Variants in GIPC1 observed in about 807,000 individuals in gnomAD.
GIPC1 encodes PDZ domain-containing protein GIPC1.
GIPC1 carries 15 observed loss-of-function variants against 28.5 expected under a neutral mutation model. The observed-to-expected ratio is 0.53, with a 90% CI of 0.35 to 0.81. The LOEUF (loss-of-function observed/expected upper bound fraction) is 0.81. Ranked by LOEUF, GIPC1 falls within the 30% of genes least tolerant of loss-of-function variation. GIPC1 has a pLI of 0.01. For missense variants in GIPC1, 439 were observed against 481.9 expected, an observed-to-expected ratio of 0.91 and a Z score of 0.83; for synonymous variants, 224 against 206.1, an observed-to-expected ratio of 1.09 and a Z score of -0.74.
At chr19:14,479,977 T>C (rs902643138) in intron 6 of GIPC1, 3 of 477,922 alleles carry the variant, frequency 6.3e-6, no homozygotes, top group South Asian at 2.6e-5. Flanking sequence ...TGAAGCCAGA[T>C]GGAAAAGTGG....
intron 2 of GIPC1, among the ~76,000 whole-genome samples, 153 bp from the exon 3 acceptor site, chr19:14,491,896 C>A (rs1037792078): frequency 2.0e-5 from 3 of 152,114 alleles, no homozygotes; most frequent in Non-Finnish European, 4.4e-5. Context: ...TGAGCCACCA[C>A]GCCCAGCCAT....
In GIPC1 at chr19:14,489,330, C is replaced by A. The variant is rs1050235429; in HGVS notation, c.-31+2326G>T. 18 of 773,574 alleles carry A rather than the reference C, an allele frequency of 2.3e-5. No homozygotes were observed. In the Admixed American group the frequency reaches 2.4e-4, roughly 10 times the overall value. 47.9% of individuals were successfully genotyped at this position (773,574 alleles called of 1,614,324 possible). A position where few individuals can be genotyped will look rare whatever the true frequency, so the allele number is the denominator to read the frequency against. On this transcript the variant is annotated intron_variant, in intron 3 of 8. Transcript: ENST00000393033. The stretch of plus-strand genomic sequence containing the variant: ...CAAGATGCTGGGCCTACCGCGGTAG[C>A]GTGAGGGAAGCCGTGCGTTCTGTTC...
In GIPC1 at chr19:14,478,897, C is replaced by T. The variant is rs932557820; in HGVS notation, c.769-132G>A. 9.4e-6 allele frequency: 7 copies of T among 742,914 alleles called. No homozygotes were observed. Among genetic ancestry groups the T allele is most frequent in the East Asian group, 2.5e-5 (1 of 39,692 alleles). The allele number at this position is 742,914 out of a possible 1,614,324, so 46.0% of individuals were successfully genotyped here. A position where few individuals can be genotyped will look rare whatever the true frequency, so the allele number is the denominator to read the frequency against. On this transcript the variant is annotated intron_variant, in intron 7 of 8. Coordinates refer to ENST00000393033, the MANE Select transcript of GIPC1 (RefSeq NM_005716.4). This position sits in a 1 kb window ranked among gnomAD's most constrained non-coding sequence, Gnocchi z 5.2. ...CAGGACAACCCTGAGAAGGTGGTATCGGTGTTCAGCTCATCCCCATTTTAC... is the reference window on the plus strand; with the variant it reads ...CAGGACAACCCTGAGAAGGTGGTATTGGTGTTCAGCTCATCCCCATTTTAC...
intron 3 of GIPC1, among the ~76,000 whole-genome samples, chr19:14,485,985 T>C (rs373346604): frequency 6.6e-6 from 1 of 151,978 alleles, no homozygotes; most frequent in African/African-American, 2.4e-5. Context: ...TTAGCAAGGA[T>C]GGTCTCGATC....
intron 3 of GIPC1, among the ~76,000 whole-genome samples, chr19:14,484,049 G>A (rs1427997526): frequency 1.3e-5 from 2 of 151,580 alleles, no homozygotes; most frequent in Non-Finnish European, 2.9e-5. Flanking sequence ...CCCCTAGGCT[G>A]GATTGCAACG....
intron 1 of GIPC1, among the ~76,000 whole-genome samples, chr19:14,493,396 C>T (rs2072010636): frequency 6.6e-6 from 1 of 152,198 alleles, no homozygotes; most frequent in Non-Finnish European, 1.5e-5. Flanking sequence ...GGTTCATCTT[C>T]TGCTCCAACC....
At position 14,478,707 on chromosome 19, in the gene GIPC1, A is replaced by T; in HGVS notation, c.827T>A (p.Met276Lys). The T allele has an allele frequency of 1.2e-6, 2 of 1,613,514 alleles. No individual in the cohort carries two copies. Among genetic ancestry groups the T allele is most frequent in the Non-Finnish European group, 1.7e-6 (2 of 1,179,766 alleles). ...ACCCAGCTCCGTGTCCCTGATACCCATGTAACTCTCCAGCAGGTCATCCAC... is the reference window on the plus strand; with the variant it reads ...ACCCAGCTCCGTGTCCCTGATACCCTTGTAACTCTCCAGCAGGTCATCCAC... ...EKVDDLLESYMGIRDTELAAT... is the reference protein window; with the variant it reads ...EKVDDLLESYKGIRDTELAAT... Residue 276 changes from methionine (M) to lysine (K), a missense_variant, in exon 8 of 9, where the codon ATG becomes AAG. Transcript: ENST00000393033. This position sits in a 1 kb window ranked among gnomAD's most constrained non-coding sequence, Gnocchi z 5.2.
Position 14,480,461 on chromosome 19 carries a change from C to A in GIPC1, c.499G>T (p.Asp167Tyr). The change falls in exon 6 of 9, where the codon GAC becomes TAC. Residue 167 changes from aspartate (D) to tyrosine (Y), a missense_variant. By Grantham distance (160) the Asp-to-Tyr change is radical. Transcript: ENST00000393033. Reference protein sequence around the residue: ...IKRIKEGSVIDHIHLISVGDM... With the variant: ...IKRIKEGSVIYHIHLISVGDM... ...CCCACGCTGATGAGGTGGATGTGGT[C>A]GATCACGCTGCCCTCCTTGATGCGC... is the stretch of plus-strand genomic sequence containing the variant. 6.2e-7 allele frequency: 1 copy of A among 1,613,030 alleles called. No homozygotes were observed. Among genetic ancestry groups the A allele is most frequent in the Non-Finnish European group, 8.5e-7 (1 of 1,179,378 alleles).
In GIPC1 at chr19:14,480,731, G is replaced by T. The variant is rs1425432922; in HGVS notation, c.336C>A (p.Leu112=). 4.3e-6 allele frequency: 7 copies of T among 1,614,054 alleles called. No individual in the cohort carries two copies. Among genetic ancestry groups the T allele is most frequent in the Non-Finnish European group, 5.9e-6 (7 of 1,179,910 alleles). The change falls in exon 5 of 9, where the codon CTC becomes CTA. Residue 112 remains leucine (L), a synonymous_variant. Coordinates refer to ENST00000393033, the MANE Select transcript of GIPC1 (RefSeq NM_005716.4). ...CCTCCAGCCCGATCTGGCCCCCCAG[G>T]AGCTTGTCCATGTCCACTTTGTGGG... is the stretch of plus-strand genomic sequence containing the variant. ...LNTHKVDMDK[L]LGGQIGLEDF... is the part of the protein sequence containing the mutation.
chr19:14,485,752 G>A (rs1025023122), intron 3 of GIPC1, among the ~76,000 whole-genome samples: 2 of 147,076 alleles, frequency 1.4e-5, no homozygotes, highest in African/African-American at 2.5e-5. Context: ...CAGAGAGAGG[G>A]AGAGAGAGAG....
chr19:14,479,939 G>T, intron 6 of GIPC1: 1 of 442,678 alleles, frequency 2.3e-6, no homozygotes, highest in Non-Finnish European at 4.1e-6. Flanking sequence ...CCCACCTCAG[G>T]GGCCTGGGGC....
At chr19:14,483,090 G>C in intron 3 of GIPC1, 84 bp from the exon 4 acceptor site, 2 of 868,642 alleles carry the variant, frequency 2.3e-6, no homozygotes, top group East Asian at 5.2e-5. Flanking sequence ...CAGGCCCAAG[G>C]AAATACTCAG....
At chr19:14,493,464 T>G (rs1200077690) in intron 1 of GIPC1, among the ~76,000 whole-genome samples, 1 of 143,564 alleles carries the variant, frequency 7.0e-6, no homozygotes, top group South Asian at 2.1e-4. Context: ...CTCTCTCTCT[T>G]TTTTTTTTTT....
Position 14,478,221 on chromosome 19 carries a change from G to A in GIPC1, c.*195C>T, listed in dbSNP as rs1035186546. 6 of 564,988 alleles carry A rather than the reference G, an allele frequency of 1.1e-5. No individual in the cohort carries two copies. The highest frequency in any genetic ancestry group is 6.4e-5 in the Admixed American group (2 of 31,124). 35.0% of individuals were successfully genotyped at this position (564,988 alleles called of 1,614,324 possible). The stretch of plus-strand genomic sequence containing the variant: ...AGGGCACAGGGGGGCCGGGGACCCC[G>A]GCCAGACTGGGAACCAGGGAGGGGA... On this transcript the variant is annotated 3_prime_UTR_variant, in exon 9 of 9. Transcript: ENST00000393033. The surrounding 1 kb of genome is among the most constrained non-coding windows in gnomAD (Gnocchi z 5.2).
At chr19:14,491,569 C>T (rs1327299046) in intron 3 of GIPC1, 87 bp downstream of exon 3, 1 of 152,232 alleles carries the variant, frequency 6.6e-6, no homozygotes, top group Non-Finnish European at 1.5e-5. Flanking sequence ...TGCACCTAGT[C>T]TCATGTATCC....
At chr19:14,485,259 T>C (rs1249875712) in intron 3 of GIPC1, among the ~76,000 whole-genome samples, 2 of 151,982 alleles carry the variant, frequency 1.3e-5, no homozygotes, top group Non-Finnish European at 2.9e-5. Flanking sequence ...AATGGCTCAC[T>C]GCAGCTTTAA....
At chr19:14,483,330 C>T in intron 3 of GIPC1, 1 of 207,354 alleles carries the variant, frequency 4.8e-6, no homozygotes, top group Non-Finnish European at 9.8e-6. Flanking sequence ...GTGGTGTGCA[C>T]CTGTAATCCC....
chr19:14,483,119 T>G (rs999327800), intron 3 of GIPC1, 113 bp from the exon 4 acceptor site: 10 of 687,690 alleles, frequency 1.5e-5, no homozygotes, highest in African/African-American at 1.3e-4. Context: ...TTGGCCTCGG[T>G]TGAAATCCTC....
At chr19:14,480,534 G>C in intron 5 of GIPC1, 49 bp from the exon 6 acceptor site, 2 of 1,603,674 alleles carry the variant, frequency 1.2e-6, no homozygotes, top group African/African-American at 1.3e-5. Flanking sequence ...CCTGGTTTCC[G>C]GGGTCCCATG....
Sources: gnomAD v4.1 joint callset for allele counts (sites outside exome capture counted in the v4.1 genomes callset) on GRCh38, gnomAD v4.1.1 for gene constraint, Gnocchi (gnomAD v3.1) non-coding constraint, MANE v1.5 for transcripts, NCBI Gene and HGNC (gene_info 2026-07-23, HGNC 2026-07-21) for gene names.